Variants in PRKCQ observed in about 807,000 individuals in gnomAD.
The protein encoded by PRKCQ is protein kinase C theta.
In PRKCQ, 41 loss-of-function variants were observed where a neutral mutation model predicts 91.2. The ratio of observed to expected loss-of-function variants is 0.45; its 90% CI spans 0.35 to 0.58. The LOEUF is 0.58. Ranked by LOEUF, PRKCQ falls within the 20% of genes least tolerant of loss-of-function variation. The pLI is 0.00. For synonymous variants in PRKCQ, 307 were observed against 316.9 expected (o/e 0.97, Z 0.33); for missense variants, 673 against 896.5 (o/e 0.75, Z 3.18).
intron 10 of PRKCQ, among the ~76,000 whole-genome samples, chr10:6,483,826 G>A (rs781411033): frequency 1.3e-5 from 2 of 152,172 alleles, no homozygotes; most frequent in Non-Finnish European, 2.9e-5. Flanking sequence ...TTGGAGTGTG[G>A]ACTATGTCTC....
At chr10:6,550,617 T>A (rs978837442) in intron 1 of PRKCQ, among the ~76,000 whole-genome samples, 1 of 152,354 alleles carries the variant, frequency 6.6e-6, no homozygotes, top group African/African-American at 2.4e-5. Context: ...CATTCATCTG[T>A]TGATGGATAT....
chr10:6,549,911 C>T (rs1299575515), intron 1 of PRKCQ, among the ~76,000 whole-genome samples: 4 of 152,062 alleles, frequency 2.6e-5, no homozygotes, highest in Admixed American at 6.5e-5. Flanking sequence ...GGATTACAGG[C>T]GTGAGCCACC....
chr10:6,542,079 C>G (rs1048726027), intron 1 of PRKCQ, among the ~76,000 whole-genome samples: 1 of 152,214 alleles, frequency 6.6e-6, no homozygotes, highest in African/African-American at 2.4e-5. Flanking sequence ...CACATGGACC[C>G]CGGCTCTAAC....
the PRKCQ span, among the ~76,000 whole-genome samples, chr10:6,400,763 T>C: frequency 1.3e-5 from 2 of 149,758 alleles, no homozygotes; most frequent in South Asian, 4.2e-4. Flanking sequence ...CCTACAGTCC[T>C]GGGTGCTCGG....
At chr10:6,481,996 CTTTT>C (rs143551186) in intron 11 of PRKCQ, among the ~76,000 whole-genome samples, 1 of 141,870 alleles carries the variant, frequency 7.0e-6, no homozygotes, top group African/African-American at 2.6e-5. Context: ...CTCACCTCCC[CTTTT>C]TTTTTTTTTT....
intron 12 of PRKCQ, among the ~76,000 whole-genome samples, chr10:6,467,317 GAGAC>G (rs1835710431): frequency 7.4e-6 from 1 of 134,948 alleles, no homozygotes; most frequent in African/African-American, 2.6e-5. Context: ...GAGAGAGAGA[GAGAC>G]AGAGAGAGAC....
chr10:6,496,233 AAAAAAAAAT>A (rs1211515008), intron 7 of PRKCQ, among the ~76,000 whole-genome samples: 18 of 133,582 alleles, frequency 1.3e-4, no homozygotes, highest in South Asian at 1.1e-3. Context: ...AAAAAAAAAA[AAAAAAAAAT>A]TGAAAAAAGA....
At chr10:6,507,127 A>G (rs1200650532) in intron 4 of PRKCQ, among the ~76,000 whole-genome samples, 2 of 152,244 alleles carry the variant, frequency 1.3e-5, no homozygotes, top group Non-Finnish European at 2.9e-5. Context: ...ACATAACCAC[A>G]CATCAACAGT....
chr10:6,538,276 C>A (rs952965623), intron 1 of PRKCQ, among the ~76,000 whole-genome samples: 1 of 152,252 alleles, frequency 6.6e-6, no homozygotes, highest in African/African-American at 2.4e-5. Flanking sequence ...TGTCAGAAGA[C>A]GGGTATGCCA....
intron 1 of PRKCQ, among the ~76,000 whole-genome samples, chr10:6,572,276 T>C (rs947742076): frequency 1.8e-5 from 2 of 112,926 alleles, no homozygotes; most frequent in Non-Finnish European, 4.3e-5. Context: ...ACGTGCAGGT[T>C]TGTTACATGG....
intron 11 of PRKCQ, among the ~76,000 whole-genome samples, chr10:6,481,319 G>A (rs940856879): frequency 6.6e-6 from 1 of 152,228 alleles, no homozygotes; most frequent in Non-Finnish European, 1.5e-5. Flanking sequence ...TCCTCTTTTA[G>A]TAATTGCTTC....
At chr10:6,481,917 C>A (rs1259237048) in intron 11 of PRKCQ, among the ~76,000 whole-genome samples, 1 of 151,988 alleles carries the variant, frequency 6.6e-6, no homozygotes, top group African/African-American at 2.4e-5. Flanking sequence ...CTTAAATCAC[C>A]AGCTTGAAAA....
intron 2 of PRKCQ, among the ~76,000 whole-genome samples, chr10:6,514,069 T>A (rs1274805503): frequency 6.6e-6 from 1 of 152,338 alleles, no homozygotes; most frequent in East Asian, 1.9e-4. Flanking sequence ...TTTGACTTTT[T>A]TTCCCTCTAT....
At chr10:6,407,489 GTGTGTA>G in the PRKCQ span, among the ~76,000 whole-genome samples, 1 of 151,596 alleles carries the variant, frequency 6.6e-6, no homozygotes, top group African/African-American at 2.4e-5. This position sits in a 1 kb window ranked among gnomAD's most constrained non-coding sequence, Gnocchi z 4.0. Context: ...GTGTGTGTGT[GTGTGTA>G]TGGTGTGTAT....
At chr10:6,579,592 C>T (rs1841377915) in intron 1 of PRKCQ, among the ~76,000 whole-genome samples, 1 of 152,008 alleles carries the variant, frequency 6.6e-6, no homozygotes, top group African/African-American at 2.4e-5. Flanking sequence ...TTAACCTGGC[C>T]CTCAAAGCTG....
chr10:6,515,695 C>A (rs1226128156), intron 1 of PRKCQ, among the ~76,000 whole-genome samples: 1 of 151,920 alleles, frequency 6.6e-6, no homozygotes, highest in Non-Finnish European at 1.5e-5. Context: ...TTCACAGTTA[C>A]ACACACACAC....
At chr10:6,482,131 G>A (rs1306828752) in intron 11 of PRKCQ, among the ~76,000 whole-genome samples, 1 of 151,730 alleles carries the variant, frequency 6.6e-6, no homozygotes, top group African/African-American at 2.4e-5. Flanking sequence ...TTTTTTTCCA[G>A]GACTCTCAAG....
chr10:6,489,157 T>A (rs544241284), intron 8 of PRKCQ, among the ~76,000 whole-genome samples: 8 of 152,290 alleles, frequency 5.3e-5, no homozygotes, highest in Non-Finnish European at 8.8e-5. Flanking sequence ...AAAACTCGCA[T>A]AACTCACATT....
At chr10:6,539,885 T>C (rs1277188482) in intron 1 of PRKCQ, among the ~76,000 whole-genome samples, 1 of 152,226 alleles carries the variant, frequency 6.6e-6, no homozygotes, top group African/African-American at 2.4e-5. Context: ...TCTAATTGGC[T>C]GAAAGTTCTT....
Sources: allele counts gnomAD v4.1 joint callset (sites outside exome capture counted in the v4.1 genomes callset), GRCh38; gene constraint gnomAD v4.1.1; non-coding constraint Gnocchi (gnomAD v3.1); transcripts MANE v1.5; gene names NCBI Gene and HGNC (gene_info 2026-07-23, HGNC 2026-07-21).